The following SLC9A9 variants were observed in gnomAD, a reference collection of about 807,000 sequenced individuals.
The protein encoded by SLC9A9 is solute carrier family 9 member A9.
Under a neutral mutation model 77.8 loss-of-function variants are expected in SLC9A9, and 62 were observed. That is an observed-to-expected ratio of 0.80 (90% confidence interval 0.65 to 0.98). The LOEUF (loss-of-function observed/expected upper bound fraction) is 0.98. Ranked by LOEUF, SLC9A9 falls within the 50% of genes least tolerant of loss-of-function variation. The pLI, the probability that SLC9A9 is intolerant of heterozygous loss-of-function variation, is 0.00. For synonymous variants in SLC9A9, 320 were observed against 283.5 expected, an observed-to-expected ratio of 1.13 and a Z score of -1.29; for missense variants, 775 against 774.9, an observed-to-expected ratio of 1.00 and a Z score of 0.00.
intron 6 of SLC9A9, among the ~76,000 whole-genome samples, chr3:143,586,106 C>T (rs1246493032): frequency 2.0e-5 from 3 of 152,232 alleles, no homozygotes; most frequent in Non-Finnish European, 2.9e-5. Context: ...AGGGATAACC[C>T]CTTTCCTTCC....
At chr3:143,276,198 C>A (rs1285658261) in intron 14 of SLC9A9, among the ~76,000 whole-genome samples, 1 of 152,200 alleles carries the variant, frequency 6.6e-6, no homozygotes, top group Non-Finnish European at 1.5e-5. Flanking sequence ...CTTACTGAGA[C>A]CATCTAGTTA....
Position 143,391,715 on chromosome 3 carries a change from C to T in SLC9A9, c.1470-9601G>A, listed in dbSNP as rs557626653. 5.7e-4 allele frequency among the ~76,000 whole-genome samples: 87 copies of T among 152,196 alleles called. 1 individual carries two copies. Among genetic ancestry groups the T allele is most frequent in the African/African-American group, 1.9e-3 (79 of 41,518 alleles). On this transcript the variant is annotated intron_variant, in intron 12 of 15. Coordinates refer to ENST00000316549, the MANE Select transcript of SLC9A9 (RefSeq NM_173653.4). ...CTAAAAACTTTGAAAAAAGATTAGA[C>T]GAATGGCTAACTAGAATAACCAGTG... is the stretch of plus-strand genomic sequence containing the variant.
At chr3:143,375,027 A>C (rs1000928610) in intron 13 of SLC9A9, among the ~76,000 whole-genome samples, 4 of 152,210 alleles carry the variant, frequency 2.6e-5, no homozygotes, top group Admixed American at 2.6e-4. Context: ...AACTGATAAA[A>C]TAAGTAGACA....
intron 6 of SLC9A9, among the ~76,000 whole-genome samples, chr3:143,626,526 A>G (rs1040729007): frequency 6.6e-6 from 1 of 152,116 alleles, no homozygotes; most frequent in Non-Finnish European, 1.5e-5. Flanking sequence ...ACAAAAAACC[A>G]AACACCGCAT....
chr3:143,808,704 T>C (rs11721078), intron 2 of SLC9A9, among the ~76,000 whole-genome samples: 29,439 of 152,116 alleles, frequency 0.19, 3,097 homozygotes, highest in South Asian at 0.32. Flanking sequence ...GTTCACATCC[T>C]AAGCTCCTTG....
chr3:143,446,421 AG>A (rs2034844412), intron 12 of SLC9A9, among the ~76,000 whole-genome samples: 2 of 152,218 alleles, frequency 1.3e-5, no homozygotes, highest in African/African-American at 4.8e-5. Flanking sequence ...TGGGGGCTTG[AG>A]GAGAGAAAGT....
At chr3:143,469,761 T>G (rs1412024424) in intron 11 of SLC9A9, among the ~76,000 whole-genome samples, 1 of 152,216 alleles carries the variant, frequency 6.6e-6, no homozygotes, top group East Asian at 1.9e-4. Context: ...GCACTCTGAT[T>G]ATAAAATACC....
In SLC9A9 at chr3:143,442,438, TG is replaced by T. The variant is rs369659837; in HGVS notation, c.1469+24598del. 1.6e-4 allele frequency among the ~76,000 whole-genome samples: 25 copies of T among 152,344 alleles called. No homozygotes were observed. The East Asian group carries it at 4.4e-3, about 27-fold the overall frequency. On this transcript the variant is annotated intron_variant, in intron 12 of 15. Coordinates refer to ENST00000316549, the MANE Select transcript of SLC9A9 (RefSeq NM_173653.4). ...TGTAAATTCTAACTTTAAACTCACA[TG>T]GGCTGGGCACGGTGGCTCATGCCTG... is the stretch of plus-strand genomic sequence containing the variant.
In SLC9A9 at chr3:143,598,790, C is replaced by T. The variant is rs546570862; in HGVS notation, c.756-20067G>A. Reference sequence around the variant, plus strand: ...AGGAAGCGTGCTGCCTGCTGCTGCCCTTGTCCTTTAATATGGAGGGAGTTT... The same window carrying T: ...AGGAAGCGTGCTGCCTGCTGCTGCCTTTGTCCTTTAATATGGAGGGAGTTT... On this transcript the variant is annotated intron_variant, in intron 6 of 15. Coordinates refer to ENST00000316549, the MANE Select transcript of SLC9A9 (RefSeq NM_173653.4). 9.8e-5 allele frequency among the ~76,000 whole-genome samples: 15 copies of T among 152,332 alleles called. No individual in the cohort carries two copies. The East Asian group carries it at 2.9e-3, about 29-fold the overall frequency.
intron 13 of SLC9A9, among the ~76,000 whole-genome samples, chr3:143,376,233 G>A (rs1019770084): frequency 6.6e-6 from 1 of 152,274 alleles, no homozygotes; most frequent in East Asian, 1.9e-4. Context: ...TGATACTCTC[G>A]ATAGGGTTGG....
chr3:143,376,647 G>A (rs530438540), intron 13 of SLC9A9, among the ~76,000 whole-genome samples: 82 of 152,112 alleles, frequency 5.4e-4, no homozygotes, highest in Non-Finnish European at 5.3e-4. Context: ...AGGAACTACC[G>A]GTAAGATAAA....
At chr3:143,283,424 T>C (rs1938283864) in intron 14 of SLC9A9, among the ~76,000 whole-genome samples, 1 of 151,950 alleles carries the variant, frequency 6.6e-6, no homozygotes, top group Admixed American at 6.6e-5. Context: ...ACAATCTCAC[T>C]CCCCCTGGAA....
chr3:143,649,615 C>A (rs535680427), intron 6 of SLC9A9, among the ~76,000 whole-genome samples: 21 of 152,084 alleles, frequency 1.4e-4, no homozygotes, highest in Non-Finnish European at 1.6e-4. Context: ...TGGCTAAATA[C>A]TAGAGCACAG....
chr3:143,640,958 A>G (rs1307973494), intron 6 of SLC9A9, among the ~76,000 whole-genome samples: 6 of 152,264 alleles, frequency 3.9e-5, no homozygotes, highest in African/African-American at 1.4e-4. Context: ...ATTACACAGC[A>G]TAACAACAGC....
intron 5 of SLC9A9, among the ~76,000 whole-genome samples, chr3:143,662,832 G>A (rs2039001118): frequency 6.6e-6 from 1 of 152,156 alleles, no homozygotes; most frequent in Non-Finnish European, 1.5e-5. Context: ...CACCACAGCT[G>A]AAGGAGGCCT....
chr3:143,516,489 T>C (rs1291771150), intron 9 of SLC9A9, among the ~76,000 whole-genome samples: 1 of 152,226 alleles, frequency 6.6e-6, no homozygotes, highest in Non-Finnish European at 1.5e-5. Context: ...TTAAAGGATA[T>C]AAATGCCTTA....
At chr3:143,270,385 C>T (rs1032568050) in intron 14 of SLC9A9, among the ~76,000 whole-genome samples, 4 of 152,028 alleles carry the variant, frequency 2.6e-5, no homozygotes, top group Non-Finnish European at 5.9e-5. Flanking sequence ...CCAATATCAC[C>T]CCTAGAAGAC....
chr3:143,632,244 G>A (rs1218478194), intron 6 of SLC9A9, among the ~76,000 whole-genome samples: 1 of 152,122 alleles, frequency 6.6e-6, no homozygotes, highest in Non-Finnish European at 1.5e-5. Flanking sequence ...GCCATTTGGA[G>A]GCAGATGACT....
chr3:143,266,943 G>T lies in SLC9A9; in HGVS notation c.1711-14C>A. 6.2e-7 allele frequency: 1 copy of T among 1,611,830 alleles called. No individual in the cohort carries two copies. The highest frequency in any genetic ancestry group is 1.1e-5 in the South Asian group (1 of 90,922). On this transcript the variant is annotated splice_polypyrimidine_tract_variant and intron_variant, in intron 15 of 15. Coordinates refer to ENST00000316549, the MANE Select transcript of SLC9A9 (RefSeq NM_173653.4). ...TTTTAGCTGTTCCTGGTTGGGAAAA[G>T]AGAGAGAGGTGTCACTTCATGATGA...
Sources: gnomAD v4.1 joint callset for allele counts (sites outside exome capture counted in the v4.1 genomes callset) on GRCh38, gnomAD v4.1.1 for gene constraint, MANE v1.5 for transcripts, NCBI Gene and HGNC (gene_info 2026-07-23, HGNC 2026-07-21) for gene names.